The following FAT4 variants were observed in gnomAD, a reference collection of about 807,000 sequenced individuals.
FAT4 encodes protocadherin Fat 4.
In FAT4, 84 loss-of-function variants were observed where a neutral mutation model predicts 303.9. The ratio of observed to expected loss-of-function variants is 0.28; its 90% CI spans 0.23 to 0.33. The LOEUF is 0.33. Among genes scored for constraint, FAT4 ranks in the 10% least tolerant of loss-of-function variants. The probability of loss-of-function intolerance (pLI) is 1.00; values close to 1 mark genes in which losing one functional copy is unlikely to be tolerated. For missense variants in FAT4, 6,005 were observed against 6,146.8 expected (o/e 0.98, Z 0.77); for synonymous variants, 2,307 against 2,298.8 (o/e 1.00, Z -0.10).
intron 8 of FAT4, among the ~76,000 whole-genome samples, chr4:125,437,961 A>G (rs1434090055): frequency 6.6e-6 from 1 of 152,198 alleles, no homozygotes; most frequent in Non-Finnish European, 1.5e-5. Flanking sequence ...TGCTCAATAA[A>G]TGTCAACCCA....
chr4:125,331,316 A>G lies in FAT4; in HGVS notation c.5175+9730A>G, dbSNP rs760124284. ...AGGATTTACTGTTGATAATGCTGCAAATATGCTGCTTAAGCTTCAGGAGCT... is the reference window on the plus strand; with the variant it reads ...AGGATTTACTGTTGATAATGCTGCAGATATGCTGCTTAAGCTTCAGGAGCT... On this transcript the variant is annotated intron_variant, in intron 2 of 17. Coordinates refer to ENST00000394329, the MANE Select transcript of FAT4 (RefSeq NM_001291303.3). 5.9e-5 allele frequency among the ~76,000 whole-genome samples: 9 copies of G among 152,270 alleles called. No homozygotes were observed. In the South Asian group the frequency reaches 1.9e-3, roughly 32 times the overall value.
At chr4:125,380,825 A>T (rs919436844) in intron 2 of FAT4, among the ~76,000 whole-genome samples, 21 of 152,178 alleles carry the variant, frequency 1.4e-4, no homozygotes, top group African/African-American at 5.1e-4. Flanking sequence ...TTGCTGACAC[A>T]TTTTAATTTT....
In FAT4 at chr4:125,491,861, C is replaced by T; in HGVS notation, c.*93C>T. The T allele has an allele frequency of 7.5e-7, 1 of 1,329,150 alleles. No homozygotes were observed. Among genetic ancestry groups the T allele is most frequent in the South Asian group, 1.5e-5 (1 of 64,828 alleles). 82.3% of individuals were successfully genotyped at this position (1,329,150 alleles called of 1,614,324 possible). ...ACTAGGTTGGGTCACATTTGAAAAACAGGCCAGTATGGACTAGTGGTGGAG... is the reference window on the plus strand; with the variant it reads ...ACTAGGTTGGGTCACATTTGAAAAATAGGCCAGTATGGACTAGTGGTGGAG... On this transcript the variant is annotated 3_prime_UTR_variant, in exon 18 of 18. Transcript: ENST00000394329.
intron 2 of FAT4, among the ~76,000 whole-genome samples, chr4:125,383,610 T>C (rs1487686621): frequency 6.6e-6 from 1 of 152,200 alleles, no homozygotes; most frequent in African/African-American, 2.4e-5. Flanking sequence ...AAAATAATGC[T>C]GATAGAAACT....
intron 10 of FAT4, among the ~76,000 whole-genome samples, chr4:125,453,704 T>TAA (rs61411789): frequency 1.4e-5 from 2 of 144,866 alleles, no homozygotes; most frequent in Non-Finnish European, 3.0e-5. Context: ...GACTCTGTCT[T>TAA]AAAAAAAAAA....
chr4:125,380,589 AATT>A (rs1733502840), intron 2 of FAT4, among the ~76,000 whole-genome samples: 2 of 152,222 alleles, frequency 1.3e-5, no homozygotes, highest in Admixed American at 6.5e-5. Context: ...TCTTATTAAA[AATT>A]ATTATCTGAT....
chr4:125,458,015 G>T (rs1187244143), intron 10 of FAT4, among the ~76,000 whole-genome samples: 1 of 151,408 alleles, frequency 6.6e-6, no homozygotes, highest in Non-Finnish European at 1.5e-5. Context: ...ATCCTTCATG[G>T]GAATGGATGG....
chr4:125,413,408 A>C (rs973064538), intron 5 of FAT4, among the ~76,000 whole-genome samples: 7 of 151,904 alleles, frequency 4.6e-5, no homozygotes, highest in African/African-American at 1.7e-4. Flanking sequence ...AGTCTTAAAT[A>C]AACTATAAAG....
At chr4:125,341,846 A>C (rs1278295051) in intron 2 of FAT4, among the ~76,000 whole-genome samples, 1 of 152,030 alleles carries the variant, frequency 6.6e-6, no homozygotes, top group African/African-American at 2.4e-5. Flanking sequence ...TTTTGAAATA[A>C]ACAAGAATTC....
At chr4:125,428,816 C>T (rs551663488) in intron 7 of FAT4, among the ~76,000 whole-genome samples, 1 of 152,276 alleles carries the variant, frequency 6.6e-6, no homozygotes, top group African/African-American at 2.4e-5. Context: ...ACTGCATCTT[C>T]TTAACCTCTA....
chr4:125,368,362 T>C (rs1008784993), intron 2 of FAT4, among the ~76,000 whole-genome samples: 5 of 151,720 alleles, frequency 3.3e-5, no homozygotes, highest in African/African-American at 1.2e-4. Context: ...AGTTAGAATA[T>C]GAAAAAGACA....
intron 3 of FAT4, 130 bp downstream of exon 3, chr4:125,399,045 T>C (rs1030934623): frequency 1.2e-5 from 9 of 751,374 alleles, no homozygotes; most frequent in South Asian, 7.6e-5. Flanking sequence ...CCAAAGAACA[T>C]TAATTCTTGA....
At chr4:125,420,367 T>C (rs756096074) in intron 7 of FAT4, among the ~76,000 whole-genome samples, 7 of 152,214 alleles carry the variant, frequency 4.6e-5, no homozygotes, top group Non-Finnish European at 7.3e-5. Context: ...TAAATATTTG[T>C]TGAATGAGTA....
chr4:125,421,497 C>G (rs991882568), intron 7 of FAT4, among the ~76,000 whole-genome samples: 4 of 152,062 alleles, frequency 2.6e-5, no homozygotes, highest in Non-Finnish European at 4.4e-5. Context: ...TTTTTTAACT[C>G]AAGATGAGAT....
At chr4:125,393,490 G>T (rs773432477) in intron 2 of FAT4, among the ~76,000 whole-genome samples, 42 of 152,186 alleles carry the variant, frequency 2.8e-4, no homozygotes, top group Admixed American at 1.2e-3. Flanking sequence ...GGTAATGATT[G>T]TTCCTTAGTT....
At chr4:125,346,668 A>G (rs1251636112) in intron 2 of FAT4, among the ~76,000 whole-genome samples, 1 of 151,974 alleles carries the variant, frequency 6.6e-6, no homozygotes, top group East Asian at 1.9e-4. Flanking sequence ...AATGGAAAGG[A>G]TGAAAAATTA....
rs111423173 is a variant in FAT4 at position 125,451,863 on chromosome 4, C to T, written c.10853C>T (p.Thr3618Met). The change falls in exon 10 of 18, where the codon ACG becomes ATG. Residue 3618 changes from threonine (T) to methionine (M), a missense_variant. Physicochemically the swap from Thr to Met is moderately conservative, Grantham distance 81 (BLOSUM62 -1). Coordinates refer to ENST00000394329, the MANE Select transcript of FAT4 (RefSeq NM_001291303.3). ...DQNDNPSQSR[T>M]VEIFVNYYGN... is the part of the protein sequence containing the mutation. ...AATGACAATCCTTCACAGTCTCGGA[C>T]GGTGGAGATATTTGTTAATTATTAT... is the stretch of plus-strand genomic sequence containing the variant. The T allele has an allele frequency of 5.6e-3, 9,017 of 1,613,996 alleles. 34 individuals are homozygous for T. The highest frequency in any genetic ancestry group is 6.8e-3 in the Non-Finnish European group (7,993 of 1,179,978).
At chr4:125,415,935 G>A in intron 6 of FAT4, 129 bp downstream of exon 6, 1 of 692,964 alleles carries the variant, frequency 1.4e-6, no homozygotes. Flanking sequence ...CTCAATTGCA[G>A]ATACAGCAAA....
intron 8 of FAT4, among the ~76,000 whole-genome samples, chr4:125,442,573 CA>C (rs1560610530): frequency 6.6e-6 from 1 of 152,084 alleles, no homozygotes; most frequent in Non-Finnish European, 1.5e-5. Context: ...TCAATGTTCA[CA>C]AACCTTGTTT....
Sources: allele counts gnomAD v4.1 joint callset (sites outside exome capture counted in the v4.1 genomes callset), GRCh38; gene constraint gnomAD v4.1.1; transcripts MANE v1.5; gene names NCBI Gene and HGNC (gene_info 2026-07-23, HGNC 2026-07-21).